Variants in LUZP1 observed in about 807,000 individuals in gnomAD.
LUZP1 encodes the protein filamin mechanobinding actin cross-linking protein.
In LUZP1, 25 loss-of-function variants were observed where a neutral mutation model predicts 71.3. The observed-to-expected ratio is 0.35, with a 90% confidence interval of 0.26 to 0.49. LUZP1 has a LOEUF of 0.49. Among genes scored for constraint, LUZP1 ranks in the 20% least tolerant of loss-of-function variants. LUZP1 has a pLI of 0.99. For synonymous variants in LUZP1, 481 were observed against 506.4 expected, an observed-to-expected ratio of 0.95 and a Z score of 0.67; for missense variants, 1,142 against 1,300.8, an observed-to-expected ratio of 0.88 and a Z score of 1.88.
intron 3 of LUZP1, among the ~76,000 whole-genome samples, chr1:23,107,486 A>G (rs1428517902): frequency 1.3e-5 from 2 of 152,226 alleles, no homozygotes; most frequent in Non-Finnish European, 2.9e-5. Context: ...CCCAGTATAT[A>G]GCAAAATATT....
At chr1:23,167,345 A>C (rs924804013) in intron 2 of LUZP1, among the ~76,000 whole-genome samples, 22 of 152,170 alleles carry the variant, frequency 1.4e-4, no homozygotes, top group African/African-American at 5.3e-4. Flanking sequence ...AAATACCCTG[A>C]GCAAACCCCA....
In LUZP1 at chr1:23,174,433, A is replaced by T. The variant is rs552571143; in HGVS notation, c.-485+3058T>A. On this transcript the variant is annotated intron_variant, in intron 1 of 4. Coordinates refer to ENST00000302291, the Ensembl canonical transcript of LUZP1. ...ACTCAATCTACCAATTCAAATATTA[A>T]TATCTCCTGGAAATACTCAGAGATA... is the stretch of plus-strand genomic sequence containing the variant. Among the ~76,000 whole-genome samples, 11 of 152,284 alleles carry T rather than the reference A, an allele frequency of 7.2e-5. No individual in the cohort carries two copies. In the South Asian group the frequency reaches 2.3e-3, roughly 32 times the overall value.
intron 1 of LUZP1, among the ~76,000 whole-genome samples, chr1:23,170,295 T>C (rs1172016436): frequency 6.6e-6 from 1 of 152,146 alleles, no homozygotes; most frequent in Non-Finnish European, 1.5e-5. Flanking sequence ...TCTGGGGTCA[T>C]AATAGCCATC....
chr1:23,163,555 TAA>T (rs57231452), intron 2 of LUZP1, among the ~76,000 whole-genome samples: 49 of 119,088 alleles, frequency 4.1e-4, no homozygotes, highest in Admixed American at 5.5e-4. Flanking sequence ...TCCCGTCTCT[TAA>T]AAAAAAAAAA....
chr1:23,170,545 C>T (rs1644545314), intron 1 of LUZP1, among the ~76,000 whole-genome samples: 1 of 148,850 alleles, frequency 6.7e-6, no homozygotes, highest in African/African-American at 2.5e-5. Flanking sequence ...CAGTTCACTG[C>T]AACCTCTGCC....
In LUZP1 at chr1:23,163,227, G is replaced by A. The variant is rs566731758; in HGVS notation, c.-226+5539C>T. On this transcript the variant is annotated intron_variant, in intron 2 of 4. Coordinates refer to ENST00000302291, the Ensembl canonical transcript of LUZP1. ...TTCACTCCAGCCTGGGTGACAGGGT[G>A]AGACTCTCTCAAAAAAAAAAAAAAA... is the stretch of plus-strand genomic sequence containing the variant. 1.6e-4 allele frequency among the ~76,000 whole-genome samples: 22 copies of A among 140,228 alleles called. No homozygotes were observed. In the East Asian group the frequency reaches 3.6e-3, roughly 23 times the overall value. The allele number at this position is 140,228 out of a possible 152,430, so 92.0% of individuals were successfully genotyped here.
chr1:23,121,690 A>G (rs1644130842), intron 2 of LUZP1, among the ~76,000 whole-genome samples: 1 of 152,210 alleles, frequency 6.6e-6, no homozygotes, highest in South Asian at 2.1e-4. Context: ...ACTGCACTCC[A>G]GATGACAGAG....
At chr1:23,098,622 C>T (rs1643906992) in intron 3 of LUZP1, among the ~76,000 whole-genome samples, 1 of 152,054 alleles carries the variant, frequency 6.6e-6, no homozygotes, top group Admixed American at 6.5e-5. Flanking sequence ...AAGTTAGGGG[C>T]AGTGACTCAG....
chr1:23,171,095 AAAAAAT>A (rs1411219313), intron 1 of LUZP1, among the ~76,000 whole-genome samples: 1 of 140,588 alleles, frequency 7.1e-6, no homozygotes, highest in Non-Finnish European at 1.5e-5. Context: ...TCTCAAAAAA[AAAAAAT>A]ATATATATAT....
At chr1:23,117,862 C>T (rs963060461) in intron 2 of LUZP1, among the ~76,000 whole-genome samples, 13 of 151,950 alleles carry the variant, frequency 8.6e-5, no homozygotes, top group Non-Finnish European at 1.5e-4. Flanking sequence ...GAGGCCGAGG[C>T]GGGCAGATCA....
At chr1:23,171,097 A>ATATATAT (rs1553143573) in intron 1 of LUZP1, among the ~76,000 whole-genome samples, 4 of 139,848 alleles carry the variant, frequency 2.9e-5, no homozygotes, top group Non-Finnish European at 6.1e-5. Context: ...TCAAAAAAAA[A>ATATATAT]AAATATATAT....
intron 2 of LUZP1, among the ~76,000 whole-genome samples, chr1:23,127,469 C>A (rs1644180795): frequency 6.6e-6 from 1 of 152,158 alleles, no homozygotes; most frequent in South Asian, 2.1e-4. Context: ...AATTCAAACT[C>A]AAGGATCTGT....
intron 2 of LUZP1, among the ~76,000 whole-genome samples, chr1:23,145,468 C>CTTTTTTTT (rs869293750): frequency 2.2e-5 from 3 of 135,124 alleles, no homozygotes; most frequent in African/African-American, 2.7e-5. Context: ...CTATTAATCT[C>CTTTTTTTT]TTTTTTTTTT....
chr1:23,113,934 T>A, intron 2 of LUZP1, among the ~76,000 whole-genome samples: 1 of 149,354 alleles, frequency 6.7e-6, no homozygotes, highest in African/African-American at 2.5e-5. Flanking sequence ...AAACAGTAAA[T>A]CTCAGAAGAG....
chr1:23,122,361 C>T (rs558907050), intron 2 of LUZP1, among the ~76,000 whole-genome samples: 5 of 152,330 alleles, frequency 3.3e-5, no homozygotes, highest in African/African-American at 7.2e-5. Flanking sequence ...CAAGTGAACA[C>T]TCTGGATTCA....
At chr1:23,158,164 G>C (rs1186593292) in intron 2 of LUZP1, among the ~76,000 whole-genome samples, 1 of 152,164 alleles carries the variant, frequency 6.6e-6, no homozygotes, top group Non-Finnish European at 1.5e-5. Context: ...AACTGAAATT[G>C]TCTAATTTAA....
intron 2 of LUZP1, among the ~76,000 whole-genome samples, chr1:23,129,494 T>C (rs1445992337): frequency 6.6e-6 from 1 of 152,140 alleles, no homozygotes; most frequent in African/African-American, 2.4e-5. Flanking sequence ...GGCAGGAGAA[T>C]TGCTTGAACC....
chr1:23,112,006 AC>A, intron 2 of LUZP1, among the ~76,000 whole-genome samples: 1 of 152,190 alleles, frequency 6.6e-6, no homozygotes, highest in Non-Finnish European at 1.5e-5. Flanking sequence ...CTGACATGTT[AC>A]TAAGGCCCAG....
chr1:23,165,767 T>C (rs1644504832), intron 2 of LUZP1, among the ~76,000 whole-genome samples: 1 of 152,196 alleles, frequency 6.6e-6, no homozygotes, highest in African/African-American at 2.4e-5. Context: ...GGGTCCTACC[T>C]GTAACAGCAT....
Sources: allele counts gnomAD v4.1 joint callset (sites outside exome capture counted in the v4.1 genomes callset), GRCh38; gene constraint gnomAD v4.1.1; transcripts MANE v1.5; gene names NCBI Gene and HGNC (gene_info 2026-07-23, HGNC 2026-07-21).